The following AIG1 variants were observed in gnomAD, a reference collection of about 807,000 sequenced individuals.
The protein encoded by AIG1 is androgen-induced gene 1 protein.
Under a neutral mutation model 31.4 loss-of-function variants are expected in AIG1, and 23 were observed. That is an observed-to-expected ratio of 0.73 (90% CI 0.53 to 1.04). AIG1 has a LOEUF of 1.04. AIG1 is among the 50% of genes least tolerant of loss of function. The probability of loss-of-function intolerance (pLI) is 0.00; values close to 1 mark genes in which losing one functional copy is unlikely to be tolerated. For synonymous variants in AIG1, 100 were observed against 110.5 expected (o/e 0.90, Z 0.60); for missense variants, 274 against 295.0 (o/e 0.93, Z 0.52).
In AIG1 at chr6:143,333,019, C is replaced by G. The variant is rs1777205205; in HGVS notation, c.516-263C>G. Among the ~76,000 whole-genome samples, 1 of 152,084 alleles carries G rather than the reference C, an allele frequency of 6.6e-6. No individual in the cohort carries two copies. The highest frequency in any genetic ancestry group is 1.5e-5 in the Non-Finnish European group (1 of 68,024). On this transcript the variant is annotated intron_variant, in intron 4 of 5. Coordinates refer to ENST00000357847, the MANE Select transcript of AIG1 (RefSeq NM_016108.4). This position sits in a 1 kb window ranked among gnomAD's most constrained non-coding sequence, Gnocchi z 4.6. ...ATTTTTTAATTTTAGTCAATTGTCC[C>G]AGGATTATACAAGATGTTAACATGA...
At chr6:143,087,334 G>A (rs1778887659) in intron 1 of AIG1, among the ~76,000 whole-genome samples, 1 of 152,188 alleles carries the variant, frequency 6.6e-6, no homozygotes, top group Non-Finnish European at 1.5e-5. Flanking sequence ...GGAACCTTGG[G>A]CCATGTGGTG....
intron 4 of AIG1, among the ~76,000 whole-genome samples, chr6:143,287,392 A>T (rs1411317414): frequency 6.6e-6 from 1 of 152,192 alleles, no homozygotes; most frequent in Non-Finnish European, 1.5e-5. Context: ...GCTGAAGTTT[A>T]GAAAGAGTAC....
At chr6:143,219,795 G>A (rs2128622464) in intron 3 of AIG1, among the ~76,000 whole-genome samples, 1 of 152,276 alleles carries the variant, frequency 6.6e-6, no homozygotes, top group African/African-American at 2.4e-5. Flanking sequence ...TTTAGATTGA[G>A]TAGGTTAGAT....
intron 2 of AIG1, among the ~76,000 whole-genome samples, chr6:143,162,808 G>T (rs957520705): frequency 2.0e-5 from 3 of 152,114 alleles, no homozygotes; most frequent in Admixed American, 6.6e-5. Flanking sequence ...GGGGGAGGAG[G>T]TCCACAAATG....
chr6:143,071,133 G>T (rs1463246349), intron 1 of AIG1, among the ~76,000 whole-genome samples: 1 of 152,058 alleles, frequency 6.6e-6, no homozygotes, highest in Admixed American at 6.5e-5. Context: ...CCATTAATTT[G>T]TTCTTTCTAT....
At chr6:143,171,538 T>TTA (rs1297469917) in intron 3 of AIG1, among the ~76,000 whole-genome samples, 4 of 132,010 alleles carry the variant, frequency 3.0e-5, no homozygotes, top group East Asian at 4.1e-4. Flanking sequence ...AATATATATA[T>TTA]TATATATATA....
Position 143,152,450 on chromosome 6 carries a change from GT to G in AIG1, c.298-12622del, listed in dbSNP as rs368534372. Among the ~76,000 whole-genome samples the G allele has an allele frequency of 3.3e-3, 498 of 149,844 alleles. 14 individuals carry two copies. In the East Asian group the frequency reaches 0.055, roughly 16 times the overall value. On this transcript the variant is annotated intron_variant, in intron 2 of 5. Transcript: ENST00000357847. ...TTATGGTGGAGAAAAGGCCCAAATA[GT>G]TTTTTTTTTCCAAAAGAAACTTAAA...
chr6:143,247,284 A>G (rs1794687036), intron 3 of AIG1, among the ~76,000 whole-genome samples: 1 of 152,186 alleles, frequency 6.6e-6, no homozygotes, highest in Non-Finnish European at 1.5e-5. Context: ...AGTGCACGCC[A>G]CCATGCCCAG....
At chr6:143,101,399 T>A (rs1050144253) in intron 1 of AIG1, among the ~76,000 whole-genome samples, 4 of 152,164 alleles carry the variant, frequency 2.6e-5, no homozygotes, top group Admixed American at 2.6e-4. Context: ...TTTAGAAGAA[T>A]TTCCAAGGAA....
intron 1 of AIG1, among the ~76,000 whole-genome samples, chr6:143,100,916 C>T (rs1343955763): frequency 2.0e-5 from 3 of 152,078 alleles, no homozygotes; most frequent in Admixed American, 6.6e-5. Context: ...AACTCCTGAC[C>T]TCAAGTGATC....
chr6:143,222,575 G>A (rs1437376143), intron 3 of AIG1, among the ~76,000 whole-genome samples: 4 of 152,160 alleles, frequency 2.6e-5, no homozygotes, highest in African/African-American at 9.7e-5. Context: ...AGTTTTCGCA[G>A]TTGACAAACT....
intron 3 of AIG1, among the ~76,000 whole-genome samples, chr6:143,234,699 G>A (rs899826404): frequency 8.5e-5 from 13 of 152,070 alleles, no homozygotes; most frequent in African/African-American, 3.1e-4. Flanking sequence ...GGGTGAGTGA[G>A]GATTCCTCAC....
chr6:143,205,912 T>C (rs1791073755), intron 3 of AIG1, among the ~76,000 whole-genome samples: 1 of 152,218 alleles, frequency 6.6e-6, no homozygotes. Flanking sequence ...GAATCAACTT[T>C]TGATGGCCTT....
In AIG1 at chr6:143,293,581, T is replaced by C. The variant is rs984941990; in HGVS notation, c.515+9356T>C. ...GTTGGTCAAATCAGCTTCTTAGACCTGCATCTGGACAGAAAAGGCTTGTGT... is the reference window on the plus strand; with the variant it reads ...GTTGGTCAAATCAGCTTCTTAGACCCGCATCTGGACAGAAAAGGCTTGTGT... On this transcript the variant is annotated intron_variant, in intron 4 of 5. Coordinates refer to ENST00000357847, the MANE Select transcript of AIG1 (RefSeq NM_016108.4). The surrounding 1 kb of genome is among the most constrained non-coding windows in gnomAD (Gnocchi z 4.8). Among the ~76,000 whole-genome samples the C allele has an allele frequency of 6.6e-6, 1 of 152,200 alleles. No individual in the cohort carries two copies. The highest frequency in any genetic ancestry group is 1.5e-5 in the Non-Finnish European group (1 of 68,040).
chr6:143,172,433 A>T (rs1243552879), intron 3 of AIG1, among the ~76,000 whole-genome samples: 1 of 152,150 alleles, frequency 6.6e-6, no homozygotes, highest in African/African-American at 2.4e-5. Context: ...ATCATGGTGG[A>T]TTATCTTTTT....
intron 3 of AIG1, among the ~76,000 whole-genome samples, chr6:143,230,635 A>G (rs1206800430): frequency 1.3e-5 from 2 of 151,150 alleles, no homozygotes; most frequent in Non-Finnish European, 2.9e-5. Flanking sequence ...CAAATATATC[A>G]TTATATTTTT....
intron 3 of AIG1, among the ~76,000 whole-genome samples, chr6:143,219,592 C>T (rs1222444882): frequency 6.6e-6 from 1 of 152,178 alleles, no homozygotes; most frequent in African/African-American, 2.4e-5. Flanking sequence ...GAACAGATGC[C>T]TGTAGAACTC....
At chr6:143,199,458 C>A (rs374249897) in intron 3 of AIG1, among the ~76,000 whole-genome samples, 5 of 152,144 alleles carry the variant, frequency 3.3e-5, no homozygotes, top group East Asian at 3.9e-4. Flanking sequence ...GCTATTCTTT[C>A]TACTTTTATG....
chr6:143,204,960 C>T (rs945602531), intron 3 of AIG1, among the ~76,000 whole-genome samples: 4 of 152,112 alleles, frequency 2.6e-5, no homozygotes, highest in African/African-American at 4.8e-5. Context: ...TCTTTTACCT[C>T]GGGGTTGTTT....
Sources: gnomAD v4.1 joint callset for allele counts (sites outside exome capture counted in the v4.1 genomes callset) on GRCh38, gnomAD v4.1.1 for gene constraint, Gnocchi (gnomAD v3.1) non-coding constraint, MANE v1.5 for transcripts, NCBI Gene and HGNC (gene_info 2026-07-23, HGNC 2026-07-21) for gene names.